GAB1: variants seen among roughly 807,000 people sequenced by gnomAD.
GAB1 encodes the protein GRB2 associated binding protein 1, also known as GRB2-associated-binding protein 1.
Under a neutral mutation model 66.5 loss-of-function variants are expected in GAB1, and 19 were observed. That is an observed-to-expected ratio of 0.29 (90% confidence interval 0.20 to 0.42). The LOEUF is 0.42. GAB1 is among the 10% of genes least tolerant of loss of function. GAB1 has a pLI of 1.00. For synonymous variants in GAB1, 294 were observed against 301.4 expected (o/e 0.98, Z 0.25); for missense variants, 732 against 858.5 (o/e 0.85, Z 1.84).
At chr4:143,418,720 A>G (rs991068328) in intron 2 of GAB1, among the ~76,000 whole-genome samples, 42 of 152,316 alleles carry the variant, frequency 2.8e-4, no homozygotes, top group African/African-American at 9.9e-4. Flanking sequence ...ATATTTACAA[A>G]GGAAATGAGA....
chr4:143,434,194 T>G (rs960250001), intron 3 of GAB1: 2 of 1,180,448 alleles, frequency 1.7e-6, no homozygotes, highest in Non-Finnish European at 2.2e-6. Flanking sequence ...TGGTTTTGGA[T>G]CTGTGTGAGA....
chr4:143,440,403 T>C (rs958633787), intron 6 of GAB1, 21 bp downstream of exon 6: 5 of 1,576,044 alleles, frequency 3.2e-6, no homozygotes, highest in Non-Finnish European at 3.4e-6. Context: ...CATGGCAAAG[T>C]AAAAGGCTTG....
At chr4:143,427,443 A>G (rs11940915) in intron 2 of GAB1, among the ~76,000 whole-genome samples, 18,497 of 152,058 alleles carry the variant, frequency 0.12, 2,677 homozygotes, top group African/African-American at 0.35. Context: ...AACATGTATG[A>G]AAACAGAACG....
chr4:143,455,573 G>T (rs1455674583), intron 6 of GAB1, among the ~76,000 whole-genome samples: 1 of 152,132 alleles, frequency 6.6e-6, no homozygotes, highest in Admixed American at 6.5e-5. Flanking sequence ...CACATACTAG[G>T]TCAAGAGCAG....
intron 1 of GAB1, among the ~76,000 whole-genome samples, chr4:143,387,931 G>A (rs1272189381): frequency 6.6e-6 from 1 of 152,120 alleles, no homozygotes; most frequent in Non-Finnish European, 1.5e-5. Context: ...CCACCACCAC[G>A]TATTTGCTGT....
At chr4:143,398,449 A>G (rs1387983647) in intron 1 of GAB1, among the ~76,000 whole-genome samples, 1 of 152,198 alleles carries the variant, frequency 6.6e-6, no homozygotes, top group Non-Finnish European at 1.5e-5. Flanking sequence ...TGCCTCTACA[A>G]ATCATTTTGT....
rs1035343078 is a variant in GAB1 at position 143,336,914 on chromosome 4, C to T, written c.-275C>T. ...GTCCGAGCGCTGCTGAGGCAGCTGG[C>T]GAGACGGCACGTCTGGAGGCGAGGC... On this transcript the variant is annotated 5_prime_UTR_variant, in exon 1 of 10. Transcript: ENST00000262994. 2.2e-6 allele frequency: 1 copy of T among 458,976 alleles called. No individual in the cohort carries two copies. Among genetic ancestry groups the T allele is most frequent in the Non-Finnish European group, 3.9e-6 (1 of 258,328 alleles). The allele number at this position is 458,976 out of a possible 1,614,324, so 28.4% of individuals were successfully genotyped here. A position where few individuals can be genotyped will look rare whatever the true frequency, so the allele number is the denominator to read the frequency against.
chr4:143,385,856 T>C (rs1730873559), intron 1 of GAB1, among the ~76,000 whole-genome samples: 1 of 152,168 alleles, frequency 6.6e-6, no homozygotes, highest in African/African-American at 2.4e-5. Context: ...TAAAAGTGTA[T>C]TGGCCGGTTA....
intron 6 of GAB1, among the ~76,000 whole-genome samples, chr4:143,444,973 T>A (rs545550906): frequency 6.6e-6 from 1 of 152,362 alleles, no homozygotes; most frequent in Admixed American, 6.5e-5. Flanking sequence ...GTACCACATT[T>A]TCTTGATCCA....
At chr4:143,409,567 A>G (rs1467734381) in intron 1 of GAB1, among the ~76,000 whole-genome samples, 1 of 152,164 alleles carries the variant, frequency 6.6e-6, no homozygotes, top group Non-Finnish European at 1.5e-5. Flanking sequence ...AAAATAATTC[A>G]TAAGTATTTG....
At chr4:143,432,098 C>T (rs925659821) in intron 2 of GAB1, among the ~76,000 whole-genome samples, 9 of 152,060 alleles carry the variant, frequency 5.9e-5, no homozygotes, top group African/African-American at 1.2e-4. Context: ...TTTCTTCTAC[C>T]GGGAGAGAGA....
At chr4:143,449,686 C>A (rs1449982394) in intron 6 of GAB1, among the ~76,000 whole-genome samples, 1 of 152,134 alleles carries the variant, frequency 6.6e-6, no homozygotes, top group Non-Finnish European at 1.5e-5. Context: ...GTGTGTGTCT[C>A]TGCATGTGAG....
intron 6 of GAB1, among the ~76,000 whole-genome samples, chr4:143,443,422 T>C (rs1039319965): frequency 1.2e-4 from 19 of 152,160 alleles, no homozygotes; most frequent in African/African-American, 3.1e-4. Context: ...AGTTATGACT[T>C]CATAAACTCA....
intron 2 of GAB1, among the ~76,000 whole-genome samples, chr4:143,418,119 C>G (rs577939974): frequency 1.3e-5 from 2 of 152,334 alleles, no homozygotes; most frequent in South Asian, 4.1e-4. Flanking sequence ...TGAGGGCGTT[C>G]AGAATCTCAC....
chr4:143,462,587 A>C (rs769529780), intron 8 of GAB1, among the ~76,000 whole-genome samples: 1 of 152,130 alleles, frequency 6.6e-6, no homozygotes. Flanking sequence ...TTTTACACCT[A>C]ATGACAGTAA....
At chr4:143,450,208 A>G (rs1418393966) in intron 6 of GAB1, among the ~76,000 whole-genome samples, 2 of 152,086 alleles carry the variant, frequency 1.3e-5, no homozygotes, top group Non-Finnish European at 2.9e-5. Context: ...TTCTCTTTAT[A>G]CCATGAGACC....
chr4:143,435,785 A>C (rs1330866794), intron 3 of GAB1, among the ~76,000 whole-genome samples: 1 of 152,224 alleles, frequency 6.6e-6, no homozygotes, highest in Non-Finnish European at 1.5e-5. Flanking sequence ...AGATGAAGAT[A>C]ATATACCAGA....
chr4:143,438,203 C>T lies in GAB1; in HGVS notation c.798C>T (p.Ser266=). The change falls in exon 4 of 10, where the codon TCC becomes TCT. Residue 266 remains serine, a synonymous_variant. Coordinates refer to ENST00000262994, the MANE Select transcript of GAB1 (RefSeq NM_002039.4). ...SSLYNLPRSY[S]HDVLPKVSPS... ...TTTATAACCTGCCCAGGAGTTATTC[C>T]CATGATGTTTTACCAAAGGTGTCTC... The T allele has an allele frequency of 1.9e-6, 3 of 1,613,984 alleles. No homozygotes were observed. The highest frequency in any genetic ancestry group is 2.5e-6 in the Non-Finnish European group (3 of 1,179,988).
chr4:143,450,580 CT>C (rs1244355994), intron 6 of GAB1, among the ~76,000 whole-genome samples: 2 of 152,102 alleles, frequency 1.3e-5, no homozygotes, highest in East Asian at 3.9e-4. Flanking sequence ...TAGTTCTTCC[CT>C]TTTTCCATTT....
Sources: gnomAD v4.1 joint callset for allele counts (sites outside exome capture counted in the v4.1 genomes callset) on GRCh38, gnomAD v4.1.1 for gene constraint, MANE v1.5 for transcripts, NCBI Gene and HGNC (gene_info 2026-07-23, HGNC 2026-07-21) for gene names.